The following SLC16A10 variants were observed in gnomAD, a reference collection of about 807,000 sequenced individuals.
SLC16A10 encodes monocarboxylate transporter 10.
Under a neutral mutation model 40.0 loss-of-function variants are expected in SLC16A10, and 27 were observed. The observed-to-expected ratio is 0.67, with a 90% CI of 0.50 to 0.93. The LOEUF is 0.93. Among genes scored for constraint, SLC16A10 ranks in the 40% least tolerant of loss-of-function variants. SLC16A10 has a pLI of 0.00. For missense variants in SLC16A10, 529 were observed against 658.2 expected, an observed-to-expected ratio of 0.80 and a Z score of 2.15; for synonymous variants, 213 against 249.8, an observed-to-expected ratio of 0.85 and a Z score of 1.39.
chr6:111,129,902 T>A (rs1288507682), intron 1 of SLC16A10, among the ~76,000 whole-genome samples: 3 of 152,252 alleles, frequency 2.0e-5, no homozygotes, highest in African/African-American at 7.2e-5. Context: ...TGATTTTTTT[T>A]TAATTTTTTG....
chr6:111,225,946 A>G lies in SLC16A10; in HGVS notation c.*3711A>G, dbSNP rs1435244261. The G allele has an allele frequency of 6.6e-6, 1 of 152,130 alleles. No individual in the cohort carries two copies. The highest frequency in any genetic ancestry group is 2.4e-5 in the African/African-American group (1 of 41,430). The allele number at this position is 152,130 out of a possible 1,614,324, so 9.4% of individuals were successfully genotyped here. A position where few individuals can be genotyped will look rare whatever the true frequency, so the allele number is the denominator to read the frequency against. ...ATCCATGCTTAGTTCCACTGGTTGC[A>G]TGGCTGTATTTCCTACTGATCCCTG... is the stretch of plus-strand genomic sequence containing the variant. On this transcript the variant is annotated 3_prime_UTR_variant, in exon 6 of 6. Coordinates refer to ENST00000368851, the MANE Select transcript of SLC16A10 (RefSeq NM_018593.5).
At chr6:111,221,178 A>G (rs1225522994) in intron 5 of SLC16A10, among the ~76,000 whole-genome samples, 1 of 152,190 alleles carries the variant, frequency 6.6e-6, no homozygotes, top group Non-Finnish European at 1.5e-5. Flanking sequence ...ACACTAAGAT[A>G]ACTTTTAAAA....
intron 3 of SLC16A10, among the ~76,000 whole-genome samples, chr6:111,205,713 G>A (rs557408440): frequency 6.6e-6 from 1 of 152,344 alleles, no homozygotes; most frequent in East Asian, 1.9e-4. Context: ...TTGAACGCAA[G>A]CAGTCTGCCT....
chr6:111,152,287 C>T (rs1238112986), intron 1 of SLC16A10, among the ~76,000 whole-genome samples: 1 of 152,096 alleles, frequency 6.6e-6, no homozygotes, highest in Non-Finnish European at 1.5e-5. Flanking sequence ...TAGCTTTTGT[C>T]CCCCGGTAGA....
At chr6:111,160,381 G>C (rs564976425) in intron 1 of SLC16A10, among the ~76,000 whole-genome samples, 25 of 152,310 alleles carry the variant, frequency 1.6e-4, no homozygotes, top group African/African-American at 5.8e-4. Flanking sequence ...TGGTATTACA[G>C]GCATGTGCCA....
chr6:111,213,208 A>T (rs1318966120), intron 4 of SLC16A10, among the ~76,000 whole-genome samples: 1 of 152,216 alleles, frequency 6.6e-6, no homozygotes, highest in African/African-American at 2.4e-5. Flanking sequence ...TAAAGCAGAC[A>T]ACCCAGACAA....
intron 1 of SLC16A10, among the ~76,000 whole-genome samples, chr6:111,130,768 G>A (rs1771768224): frequency 6.6e-6 from 1 of 152,166 alleles, no homozygotes; most frequent in South Asian, 2.1e-4. Context: ...TAATAAAGTA[G>A]CTTTTCCCTA....
At chr6:111,183,992 A>G (rs1772849974) in intron 3 of SLC16A10, among the ~76,000 whole-genome samples, 1 of 152,224 alleles carries the variant, frequency 6.6e-6, no homozygotes, top group African/African-American at 2.4e-5. Flanking sequence ...AATGCCAAAT[A>G]TGACAATGAT....
intron 3 of SLC16A10, among the ~76,000 whole-genome samples, chr6:111,180,585 A>G (rs539923912): frequency 6.6e-6 from 1 of 152,084 alleles, no homozygotes; most frequent in East Asian, 1.9e-4. Context: ...GGAAGAACAG[A>G]TTGAACAATT....
At chr6:111,178,537 T>G (rs2114549826) in intron 3 of SLC16A10, 1 of 421,124 alleles carries the variant, frequency 2.4e-6, no homozygotes, top group Non-Finnish European at 4.6e-6. Flanking sequence ...ATAAGGAGAC[T>G]TCATCCCTAC....
chr6:111,215,029 A>G (rs939428287), intron 4 of SLC16A10, among the ~76,000 whole-genome samples: 1 of 152,036 alleles, frequency 6.6e-6, no homozygotes. Flanking sequence ...TGAGGCAGGA[A>G]AATGTTGTGA....
chr6:111,104,300 G>A (rs909537907), intron 1 of SLC16A10, among the ~76,000 whole-genome samples: 1 of 152,132 alleles, frequency 6.6e-6, no homozygotes, highest in Non-Finnish European at 1.5e-5. Context: ...ACAAAGCCCC[G>A]ACCGAAAGCC....
chr6:111,142,970 T>A (rs1293880729), intron 1 of SLC16A10, among the ~76,000 whole-genome samples: 1 of 152,216 alleles, frequency 6.6e-6, no homozygotes, highest in Non-Finnish European at 1.5e-5. Context: ...GCAACCAAGA[T>A]GTCCTTCAAT....
At chr6:111,144,783 T>C (rs1325145887) in intron 1 of SLC16A10, among the ~76,000 whole-genome samples, 1 of 152,246 alleles carries the variant, frequency 6.6e-6, no homozygotes, top group Non-Finnish European at 1.5e-5. Context: ...CTTTATGTAG[T>C]TTATTGCATA....
At chr6:111,121,802 A>G (rs1470893073) in intron 1 of SLC16A10, among the ~76,000 whole-genome samples, 4 of 152,152 alleles carry the variant, frequency 2.6e-5, no homozygotes, top group Non-Finnish European at 5.9e-5. Flanking sequence ...ACTTGGCTTA[A>G]TGCTCTGCTG....
chr6:111,102,645 G>A (rs1384890107), intron 1 of SLC16A10, among the ~76,000 whole-genome samples: 1 of 152,042 alleles, frequency 6.6e-6, no homozygotes, highest in Non-Finnish European at 1.5e-5. Flanking sequence ...TGCTGTCTTA[G>A]CCCAGGTGTT....
intron 1 of SLC16A10, among the ~76,000 whole-genome samples, chr6:111,152,377 A>G (rs1772187588): frequency 6.6e-6 from 1 of 152,262 alleles, no homozygotes; most frequent in Admixed American, 6.5e-5. Flanking sequence ...GTGCTGGCAC[A>G]TATAGATACT....
intron 1 of SLC16A10, among the ~76,000 whole-genome samples, chr6:111,094,080 A>G (rs1408290937): frequency 6.6e-6 from 1 of 152,238 alleles, no homozygotes; most frequent in Non-Finnish European, 1.5e-5. Flanking sequence ...GAACCCAATT[A>G]GCCAAAATGA....
intron 4 of SLC16A10, among the ~76,000 whole-genome samples, chr6:111,217,566 T>C (rs542606821): frequency 4.6e-5 from 7 of 151,608 alleles, no homozygotes; most frequent in South Asian, 2.1e-4. Flanking sequence ...TCTCCTGCCT[T>C]AGCCTCCCGA....
Sources: allele counts gnomAD v4.1 joint callset (sites outside exome capture counted in the v4.1 genomes callset), GRCh38; gene constraint gnomAD v4.1.1; transcripts MANE v1.5; gene names NCBI Gene and HGNC (gene_info 2026-07-23, HGNC 2026-07-21).